KCNJ4: variants seen among roughly 807,000 people sequenced by gnomAD.
KCNJ4 encodes the protein inward rectifier potassium channel 4.
Under a neutral mutation model 25.6 loss-of-function variants are expected in KCNJ4, and 3 were observed. The ratio of observed to expected loss-of-function variants is 0.12; its 90% CI spans 0.05 to 0.30. The LOEUF is 0.30. KCNJ4 is among the 10% of genes least tolerant of loss of function. The pLI, the probability that KCNJ4 is intolerant of heterozygous loss-of-function variation, is 1.00. For missense variants in KCNJ4, 286 were observed against 666.8 expected, an observed-to-expected ratio of 0.43 and a Z score of 6.29; for synonymous variants, 257 against 283.9, an observed-to-expected ratio of 0.91 and a Z score of 0.95.
At position 38,433,584 on chromosome 22, in the gene KCNJ4, T is replaced by A. The variant is rs114250702; in HGVS notation, c.-39-5413A>T. 7.4e-3 allele frequency among the ~76,000 whole-genome samples: 1,125 copies of A among 152,324 alleles called. 14 individuals are homozygous for A. The highest frequency in any genetic ancestry group is 0.026 in the African/African-American group (1,075 of 41,568). On this transcript the variant is annotated intron_variant, in intron 1 of 1. Coordinates refer to ENST00000303592, the MANE Select transcript of KCNJ4 (RefSeq NM_152868.3). ...CTCCTGCCTCGGTCTCCCAAAATGC[T>A]GGGATCACAGGCACGAGCCACTGCA... is the stretch of plus-strand genomic sequence containing the variant.
At position 38,443,882 on chromosome 22, in the gene KCNJ4, C is replaced by T. The variant is rs913279423; in HGVS notation, c.-40+11098G>A. 8.5e-5 allele frequency among the ~76,000 whole-genome samples: 13 copies of T among 152,270 alleles called. No individual in the cohort carries two copies. Among genetic ancestry groups the T allele is most frequent in the African/African-American group, 2.6e-4 (11 of 41,552 alleles). On this transcript the variant is annotated intron_variant, in intron 1 of 1. Coordinates refer to ENST00000303592, the MANE Select transcript of KCNJ4 (RefSeq NM_152868.3). This position sits in a 1 kb window ranked among gnomAD's most constrained non-coding sequence, Gnocchi z 4.1. The stretch of plus-strand genomic sequence containing the variant: ...CCCAGGGCACTCGGGATGAACGCCC[C>T]GCCTCAGAGAGGTCCTGCCCTCTCT...
rs1482816380 is a variant in KCNJ4, at chr22:38,450,000, T to C, written c.-40+4980A>G. Among the ~76,000 whole-genome samples the C allele has an allele frequency of 1.3e-5, 2 of 152,228 alleles. No homozygotes were observed. The highest frequency in any genetic ancestry group is 4.8e-5 in the African/African-American group (2 of 41,466). On this transcript the variant is annotated intron_variant, in intron 1 of 1. Transcript: ENST00000303592. The surrounding 1 kb of genome is among the most constrained non-coding windows in gnomAD (Gnocchi z 5.2). Reference sequence around the variant, plus strand: ...CGCGCGTGTGTGACTCAAGGTCTATTCATAGCCGAGCTCCACCAGCTGCAG... The same window carrying C: ...CGCGCGTGTGTGACTCAAGGTCTATCCATAGCCGAGCTCCACCAGCTGCAG...
chr22:38,438,688 A>G (rs2089310532), intron 1 of KCNJ4, among the ~76,000 whole-genome samples: 1 of 132,164 alleles, frequency 7.6e-6, no homozygotes, highest in Non-Finnish European at 1.6e-5. Flanking sequence ...AGTCCTTCTG[A>G]AAAAAAAAAA....
chr22:38,454,075 C>A (rs777605146), intron 1 of KCNJ4, among the ~76,000 whole-genome samples: 1 of 152,186 alleles, frequency 6.6e-6, no homozygotes, highest in African/African-American at 2.4e-5. Flanking sequence ...GGGGAGAACA[C>A]ACACACACAC....
chr22:38,445,074 C>CGTGT (rs766171651), intron 1 of KCNJ4, among the ~76,000 whole-genome samples: 2 of 151,392 alleles, frequency 1.3e-5, no homozygotes, highest in African/African-American at 4.9e-5. Flanking sequence ...CGTGTGTGTG[C>CGTGT]GTGTGTGTGT....
At chr22:38,453,337 A>G (rs2089420929) in intron 1 of KCNJ4, among the ~76,000 whole-genome samples, 1 of 152,162 alleles carries the variant, frequency 6.6e-6, no homozygotes, top group South Asian at 2.1e-4. Flanking sequence ...GTCACCCAGC[A>G]GAAACTCAAC....
intron 1 of KCNJ4, among the ~76,000 whole-genome samples, chr22:38,435,455 G>A (rs2093062638): frequency 6.6e-6 from 1 of 152,172 alleles, no homozygotes; most frequent in South Asian, 2.1e-4. Flanking sequence ...CACTTTGGGA[G>A]GCCGAGGCAG....
chr22:38,427,404 G>A lies in KCNJ4; in HGVS notation c.729C>T (p.Asn243=), dbSNP rs878951891. 5.6e-6 allele frequency: 9 copies of A among 1,614,078 alleles called. No homozygotes were observed. Among genetic ancestry groups the A allele is most frequent in the East Asian group, 4.5e-5 (2 of 44,868 alleles). The stretch of plus-strand genomic sequence containing the variant: ...GGTCCAGGCCGATGTCATAGCCCAC[G>A]TTGAGGTCCCGCTGGTCCAGGGGCA... ...EYLPLDQRDL[N]VGYDIGLDRI... The change falls in exon 2 of 2, where the codon AAC becomes AAT. Residue 243 remains asparagine (N), a synonymous_variant. Transcript: ENST00000303592.
chr22:38,447,936 C>G (rs9607540), intron 1 of KCNJ4, among the ~76,000 whole-genome samples: 1 of 151,642 alleles, frequency 6.6e-6, no homozygotes, highest in Non-Finnish European at 1.5e-5. Context: ...TGGTGGCACA[C>G]GCCTGTAGTC....
At chr22:38,451,016 T>C (rs1410676425) in intron 1 of KCNJ4, among the ~76,000 whole-genome samples, 2 of 152,016 alleles carry the variant, frequency 1.3e-5, no homozygotes, top group African/African-American at 2.4e-5. Flanking sequence ...ACATAGATTC[T>C]CTGAGCCATG....
At chr22:38,446,884 G>T (rs2089377983) in intron 1 of KCNJ4, among the ~76,000 whole-genome samples, 1 of 151,686 alleles carries the variant, frequency 6.6e-6, no homozygotes, top group Non-Finnish European at 1.5e-5. Context: ...TGAACTGGGA[G>T]GCGGAGGTTG....
In KCNJ4 at chr22:38,449,782, G is replaced by A. The variant is rs196091; in HGVS notation, c.-40+5198C>T. On this transcript the variant is annotated intron_variant, in intron 1 of 1. Coordinates refer to ENST00000303592, the MANE Select transcript of KCNJ4 (RefSeq NM_152868.3). The surrounding 1 kb of genome is among the most constrained non-coding windows in gnomAD (Gnocchi z 5.2). The stretch of plus-strand genomic sequence containing the variant: ...AGCCTCAGTTTCCCCTTCTGTAAAT[G>A]AGAATCATCTATGTCCAAAGTCTTC... Among the ~76,000 whole-genome samples, 20,480 of 152,292 alleles carry A rather than the reference G, an allele frequency of 0.13. 2,677 individuals carry two copies. Among genetic ancestry groups the A allele is most frequent in the African/African-American group, 0.34 (14,194 of 41,534 alleles).
chr22:38,428,492 G>C (rs1163675577), intron 1 of KCNJ4, among the ~76,000 whole-genome samples: 6 of 152,102 alleles, frequency 3.9e-5, no homozygotes, highest in Non-Finnish European at 8.8e-5. Context: ...GCTTCCTGAT[G>C]CCCATCTTGG....
chr22:38,450,231 C>G lies in KCNJ4; in HGVS notation c.-40+4749G>C, dbSNP rs981593964. Reference sequence around the variant, plus strand: ...AGAGGAGGCTTAAAGGTTATGCCAACCCCTAGGATTCCCGCCTGCCCCTTG... The same window carrying G: ...AGAGGAGGCTTAAAGGTTATGCCAAGCCCTAGGATTCCCGCCTGCCCCTTG... On this transcript the variant is annotated intron_variant, in intron 1 of 1. Coordinates refer to ENST00000303592, the MANE Select transcript of KCNJ4 (RefSeq NM_152868.3). Among the ~76,000 whole-genome samples, 5 of 152,142 alleles carry G rather than the reference C, an allele frequency of 3.3e-5. No homozygotes were observed. The South Asian group carries it at 1.0e-3, about 32-fold the overall frequency.
intron 1 of KCNJ4, among the ~76,000 whole-genome samples, chr22:38,442,481 A>G (rs1569122800): frequency 7.3e-6 from 1 of 137,818 alleles, no homozygotes; most frequent in African/African-American, 2.8e-5. Flanking sequence ...CGGTAGACGG[A>G]GCTTGCAGTG....
intron 1 of KCNJ4, 118 bp downstream of exon 1, chr22:38,454,862 C>G (rs1229852636): frequency 6.6e-6 from 1 of 151,770 alleles, no homozygotes; most frequent in African/African-American, 2.4e-5. Context: ...CAGCCGGGAC[C>G]CGGCTCCGGA....
chr22:38,444,928 C>G (rs1388627837), intron 1 of KCNJ4, among the ~76,000 whole-genome samples: 1 of 152,188 alleles, frequency 6.6e-6, no homozygotes, highest in Admixed American at 6.5e-5. Context: ...CTCAACACAG[C>G]GCAGTGCCTT....
intron 1 of KCNJ4, among the ~76,000 whole-genome samples, chr22:38,430,486 A>AG (rs2093046422): frequency 6.6e-6 from 1 of 152,162 alleles, no homozygotes; most frequent in Admixed American, 6.5e-5. Context: ...CTGGGCAACA[A>AG]AGTGAGACTT....
chr22:38,437,533 A>G (rs947678276), intron 1 of KCNJ4, among the ~76,000 whole-genome samples: 1 of 152,214 alleles, frequency 6.6e-6, no homozygotes, highest in Non-Finnish European at 1.5e-5. Context: ...ACTGCACGCT[A>G]GCTGTGGGCC....
Sources: allele counts gnomAD v4.1 joint callset (sites outside exome capture counted in the v4.1 genomes callset), GRCh38; gene constraint gnomAD v4.1.1; non-coding constraint Gnocchi (gnomAD v3.1); transcripts MANE v1.5; gene names NCBI Gene and HGNC (gene_info 2026-07-23, HGNC 2026-07-21).